LPP: variants seen among roughly 807,000 people sequenced by gnomAD.
LPP encodes lipoma-preferred partner.
In LPP, 38 loss-of-function variants were observed where a neutral mutation model predicts 60.4. That is an observed-to-expected ratio of 0.63 (90% CI 0.49 to 0.83). LPP has a LOEUF of 0.83. Among genes scored for constraint, LPP ranks in the 40% least tolerant of loss-of-function variants. LPP has a pLI of 0.00. For missense variants in LPP, 902 were observed against 783.6 expected, an observed-to-expected ratio of 1.15 and a Z score of -1.80; for synonymous variants, 328 against 290.8, an observed-to-expected ratio of 1.13 and a Z score of -1.30.
chr3:188,794,058 G>A lies in LPP; in HGVS notation c.1410+33776G>A, dbSNP rs578112871. On this transcript the variant is annotated intron_variant, in intron 9 of 11. Transcript: ENST00000617246. The stretch of plus-strand genomic sequence containing the variant: ...GCCTGATTTTAGAAGCTGTTTTGGA[G>A]AGGTCTCTGTAAGCATATTACATTT... 6.0e-4 allele frequency among the ~76,000 whole-genome samples: 91 copies of A among 152,288 alleles called. No homozygotes were observed. In the Middle Eastern group the frequency reaches 0.01, roughly 17 times the overall value.
chr3:188,368,385 CT>C (rs5855191), intron 3 of LPP, among the ~76,000 whole-genome samples: 147,013 of 148,920 alleles, frequency 0.99, 72,582 homozygotes, highest in East Asian at 1. Context: ...ACCATCATGG[CT>C]TTTTTTTTTT....
chr3:188,796,805 A>G (rs1471004506), intron 9 of LPP, among the ~76,000 whole-genome samples: 5 of 152,208 alleles, frequency 3.3e-5, no homozygotes, highest in Non-Finnish European at 5.9e-5. Flanking sequence ...TTTGAGAAAT[A>G]GATCTAGATC....
intron 9 of LPP, among the ~76,000 whole-genome samples, chr3:188,857,152 C>A (rs1764038036): frequency 1.3e-5 from 2 of 152,136 alleles, no homozygotes; most frequent in South Asian, 4.1e-4. Flanking sequence ...GGCAAATCAG[C>A]TTCACAAAAT....
intron 8 of LPP, among the ~76,000 whole-genome samples, chr3:188,713,835 C>T (rs1712666338): frequency 6.6e-6 from 1 of 152,208 alleles, no homozygotes; most frequent in Non-Finnish European, 1.5e-5. Context: ...ATTGACATTT[C>T]TGCACCTTCT....
chr3:188,663,927 G>A (rs1171446571), intron 7 of LPP, among the ~76,000 whole-genome samples: 2 of 152,218 alleles, frequency 1.3e-5, no homozygotes, highest in Non-Finnish European at 2.9e-5. Flanking sequence ...AGGAGGCGGA[G>A]CTCCGGCTGT....
intron 2 of LPP, among the ~76,000 whole-genome samples, chr3:188,333,805 C>A (rs1212240983): frequency 1.3e-5 from 2 of 152,088 alleles, no homozygotes; most frequent in Non-Finnish European, 2.9e-5. Flanking sequence ...TACATGTATA[C>A]AATGTGTAAA....
At chr3:188,750,650 G>T (rs1727778758) in intron 8 of LPP, among the ~76,000 whole-genome samples, 1 of 151,880 alleles carries the variant, frequency 6.6e-6, no homozygotes, top group Non-Finnish European at 1.5e-5. Flanking sequence ...AAAAAAAAAA[G>T]TTTACTATCC....
intron 4 of LPP, among the ~76,000 whole-genome samples, chr3:188,462,622 GTGTGTGTGTGTGTTAC>G (rs1560436869): frequency 7.7e-6 from 1 of 129,100 alleles, no homozygotes; most frequent in Non-Finnish European, 1.7e-5. Flanking sequence ...GTGTGTGTGT[GTGTGTGTGTGTGTTAC>G]TTTTTTGGGT....
chr3:188,207,624 T>C (rs953290080), intron 1 of LPP, among the ~76,000 whole-genome samples: 93 of 149,636 alleles, frequency 6.2e-4, no homozygotes, highest in East Asian at 7.7e-4. Flanking sequence ...TTTTCTTCTT[T>C]TTTTTTTTTT....
chr3:188,287,167 C>G lies in LPP; in HGVS notation c.-66-54496C>G, dbSNP rs184665519. 1.1e-3 allele frequency among the ~76,000 whole-genome samples: 163 copies of G among 152,346 alleles called. 3 individuals are homozygous for G. Among genetic ancestry groups the G allele is most frequent in the Admixed American group, 7.3e-3 (111 of 15,306 alleles). On this transcript the variant is annotated intron_variant, in intron 2 of 11. Transcript: ENST00000617246. ...CCCCCCACCTCGGCTTCCCGAAGTG[C>G]TGGGATTACAGGCGTGAGCCACTGC...
intron 3 of LPP, among the ~76,000 whole-genome samples, chr3:188,345,287 A>G (rs1764032066): frequency 6.6e-6 from 1 of 152,212 alleles, no homozygotes; most frequent in East Asian, 1.9e-4. Context: ...AGGTATCTTC[A>G]TTAATTTCAT....
intron 9 of LPP, among the ~76,000 whole-genome samples, chr3:188,773,824 G>T (rs1333624382): frequency 6.6e-6 from 1 of 151,870 alleles, no homozygotes; most frequent in South Asian, 2.1e-4. Context: ...TGGGGCCTCA[G>T]GAAAGAACTA....
intron 7 of LPP, among the ~76,000 whole-genome samples, chr3:188,615,494 T>C (rs1482256083): frequency 1.3e-5 from 2 of 152,226 alleles, no homozygotes; most frequent in Non-Finnish European, 2.9e-5. Context: ...TATCCAAGCA[T>C]ATATTAGACT....
intron 3 of LPP, among the ~76,000 whole-genome samples, chr3:188,402,737 G>C (rs1293976496): frequency 6.6e-6 from 1 of 152,236 alleles, no homozygotes; most frequent in Non-Finnish European, 1.5e-5. Context: ...AGTGAGACTA[G>C]TTGGAGTTTC....
At chr3:188,680,994 C>CTTTTTTT (rs11307025) in intron 7 of LPP, among the ~76,000 whole-genome samples, 1 of 129,110 alleles carries the variant, frequency 7.7e-6, no homozygotes, top group Admixed American at 8.1e-5. Flanking sequence ...GGTGCATTTC[C>CTTTTTTT]TTTTTTTTTT....
chr3:188,639,130 G>A (rs1477268407), intron 7 of LPP, among the ~76,000 whole-genome samples: 54 of 152,020 alleles, frequency 3.6e-4, no homozygotes, highest in African/African-American at 9.6e-4. Flanking sequence ...ACAAGGCTAC[G>A]GTAACCAAAA....
At chr3:188,760,069 G>A in intron 8 of LPP, 44 bp from the exon 9 acceptor site, 1 of 1,598,050 alleles carries the variant, frequency 6.3e-7, no homozygotes, top group Non-Finnish European at 8.6e-7. Flanking sequence ...TAGCAGGACT[G>A]AAGTACTCCT....
rs1002958063 is a variant in LPP, at chr3:188,660,751, C to T, written c.1114-47516C>T. On this transcript the variant is annotated intron_variant, in intron 7 of 11. Transcript: ENST00000617246. The stretch of plus-strand genomic sequence containing the variant: ...CAAGCAAGTTCCCATATACCCCCAT[C>T]CCCACAAATCCCACAAATGCATATT... Among the ~76,000 whole-genome samples the T allele has an allele frequency of 3.3e-5, 5 of 152,164 alleles. No individual in the cohort carries two copies. The South Asian group carries it at 1.0e-3, about 32-fold the overall frequency.
At chr3:188,741,835 A>G (rs974806235) in intron 8 of LPP, among the ~76,000 whole-genome samples, 27 of 152,154 alleles carry the variant, frequency 1.8e-4, no homozygotes, top group African/African-American at 6.3e-4. Flanking sequence ...AAAAGACACC[A>G]TAACAAATGA....
Sources: gnomAD v4.1 joint callset for allele counts (sites outside exome capture counted in the v4.1 genomes callset) on GRCh38, gnomAD v4.1.1 for gene constraint, MANE v1.5 for transcripts, NCBI Gene and HGNC (gene_info 2026-07-23, HGNC 2026-07-21) for gene names.